B3GAT2: variants seen among roughly 807,000 people sequenced by gnomAD.
The protein encoded by B3GAT2 is beta-1,3-glucuronyltransferase 2.
Under a neutral mutation model 27.8 loss-of-function variants are expected in B3GAT2, and 26 were observed. The ratio of observed to expected loss-of-function variants is 0.93; its 90% confidence interval spans 0.68 to 1.30. The LOEUF (loss-of-function observed/expected upper bound fraction) is 1.30. B3GAT2 is among the 50% of genes most tolerant of loss of function. The pLI is 0.00. For missense variants in B3GAT2, 458 were observed against 459.0 expected (o/e 1.00, Z 0.02); for synonymous variants, 218 against 195.1 (o/e 1.12, Z -0.98).
At chr6:70,929,536 C>A (rs1388672562) in intron 1 of B3GAT2, among the ~76,000 whole-genome samples, 1 of 152,260 alleles carries the variant, frequency 6.6e-6, no homozygotes, top group South Asian at 2.1e-4. Context: ...AAATCACAAG[C>A]TTTCCTATAC....
intron 1 of B3GAT2, among the ~76,000 whole-genome samples, chr6:70,929,866 A>C (rs1242946805): frequency 3.3e-5 from 5 of 152,200 alleles, no homozygotes. Context: ...TGGAACCAAA[A>C]AAGAGCCCAC....
At chr6:70,928,152 A>G (rs1772994984) in intron 1 of B3GAT2, among the ~76,000 whole-genome samples, 3 of 152,216 alleles carry the variant, frequency 2.0e-5, no homozygotes, top group African/African-American at 7.2e-5. Context: ...CAAAGACACA[A>G]CATACCAGAA....
In B3GAT2 at chr6:70,861,523, A is replaced by AGAT. The variant is rs1159509281; in HGVS notation, c.*137_*139dup. On this transcript the variant is annotated 3_prime_UTR_variant, in exon 4 of 4. Transcript: ENST00000230053. ...GTTAACTGACAAGCTCCATTTAAAC[A>AGAT]GATGTCCATCAGATGACAAGAAAGG... 4.3e-6 allele frequency: 3 copies of AGAT among 690,266 alleles called. No individual in the cohort carries two copies. Among genetic ancestry groups the AGAT allele is most frequent in the East Asian group, 2.7e-5 (1 of 37,264 alleles). The allele number at this position is 690,266 out of a possible 1,614,324, so 42.8% of individuals were successfully genotyped here. A position where few individuals can be genotyped will look rare whatever the true frequency, so the allele number is the denominator to read the frequency against.
intron 1 of B3GAT2, among the ~76,000 whole-genome samples, chr6:70,917,113 T>A (rs563702852): frequency 6.6e-6 from 1 of 152,338 alleles, no homozygotes; most frequent in East Asian, 1.9e-4. Context: ...AACTTCTTCC[T>A]GGTTTAGTCT....
At chr6:70,867,785 A>G (rs866011004) in intron 2 of B3GAT2, among the ~76,000 whole-genome samples, 1 of 152,294 alleles carries the variant, frequency 6.6e-6, no homozygotes, top group South Asian at 2.1e-4. Context: ...TAGAAAATAG[A>G]AAAGGAGGAA....
chr6:70,940,333 G>A (rs759624616), intron 1 of B3GAT2, among the ~76,000 whole-genome samples: 13 of 152,260 alleles, frequency 8.5e-5, no homozygotes, highest in Middle Eastern at 3.4e-3. Context: ...CCAGCAAGGG[G>A]CTCAGTGTCC....
intron 2 of B3GAT2, among the ~76,000 whole-genome samples, chr6:70,882,896 C>T (rs912040919): frequency 1.3e-5 from 2 of 150,814 alleles, no homozygotes; most frequent in Non-Finnish European, 3.0e-5. Context: ...TTGGTGAAGT[C>T]AAATAAATAC....
At chr6:70,937,289 C>G (rs1478001153) in intron 1 of B3GAT2, among the ~76,000 whole-genome samples, 2 of 150,630 alleles carry the variant, frequency 1.3e-5, no homozygotes, top group East Asian at 2.0e-4. Context: ...GAGTCCAGGA[C>G]CAGATGGATT....
chr6:70,900,965 A>T (rs925624966), intron 1 of B3GAT2, among the ~76,000 whole-genome samples: 4 of 152,180 alleles, frequency 2.6e-5, no homozygotes, highest in African/African-American at 9.7e-5. Flanking sequence ...AAGTAAACGA[A>T]ACCCATCAAA....
Position 70,941,819 on chromosome 6 carries a change from C to A in B3GAT2, c.591+14020G>T, listed in dbSNP as rs1191479719. On this transcript the variant is annotated intron_variant, in intron 1 of 3. Coordinates refer to ENST00000230053, the MANE Select transcript of B3GAT2 (RefSeq NM_080742.3). ...ATTCATTCAAAAAATATTTAATAAG[C>A]ATTCACTGCATGCTAGGCACTGCTC... Among the ~76,000 whole-genome samples, 4 of 152,128 alleles carry A rather than the reference C, an allele frequency of 2.6e-5. No homozygotes were observed. The East Asian group carries it at 5.8e-4, about 22-fold the overall frequency.
At chr6:70,868,102 T>C (rs1213097426) in intron 2 of B3GAT2, among the ~76,000 whole-genome samples, 1 of 151,948 alleles carries the variant, frequency 6.6e-6, no homozygotes, top group Non-Finnish European at 1.5e-5. Context: ...CATCTAGTCA[T>C]AATGAAAAGA....
chr6:70,934,055 A>G (rs530744891), intron 1 of B3GAT2, among the ~76,000 whole-genome samples: 1 of 152,330 alleles, frequency 6.6e-6, no homozygotes, highest in Admixed American at 6.5e-5. Flanking sequence ...AGAACGCAGT[A>G]AAAAATGAAA....
intron 1 of B3GAT2, among the ~76,000 whole-genome samples, chr6:70,927,925 C>T (rs1772991043): frequency 1.3e-5 from 2 of 152,166 alleles, no homozygotes; most frequent in Non-Finnish European, 2.9e-5. Flanking sequence ...AAATTAACCA[C>T]TTAGTTGGAA....
At position 70,955,870 on chromosome 6, in the gene B3GAT2, T is replaced by C; in HGVS notation, c.560A>G (p.Asp187Gly). 2 of 1,604,574 alleles carry C rather than the reference T, an allele frequency of 1.2e-6. No individual in the cohort carries two copies. The highest frequency in any genetic ancestry group is 8.5e-7 in the Non-Finnish European group (1 of 1,176,438). ...GAAGAGCTCCAGACTATAGGTGTTG[T>C]CGTCGTCAGCGAAGAAGAGCACGCC... ...QPGVLFFADD[D>G]NTYSLELFQE... The change falls in exon 1 of 4, where the codon GAC becomes GGC. Residue 187 changes from aspartate (D) to glycine (G), a missense_variant. By Grantham distance (94) the Asp-to-Gly change is moderately conservative. Coordinates refer to ENST00000230053, the MANE Select transcript of B3GAT2 (RefSeq NM_080742.3).
intron 1 of B3GAT2, among the ~76,000 whole-genome samples, chr6:70,935,194 C>A (rs1020098020): frequency 6.6e-6 from 1 of 151,822 alleles, no homozygotes; most frequent in Non-Finnish European, 1.5e-5. Context: ...ACCAGTAATA[C>A]CAGTACTTTG....
chr6:70,900,707 C>T (rs1359155280), intron 1 of B3GAT2, among the ~76,000 whole-genome samples: 2 of 152,218 alleles, frequency 1.3e-5, no homozygotes, highest in African/African-American at 4.8e-5. Context: ...CTGGAACACT[C>T]AGAAGATCAC....
At chr6:70,867,299 G>A (rs1771866565) in intron 2 of B3GAT2, among the ~76,000 whole-genome samples, 1 of 151,844 alleles carries the variant, frequency 6.6e-6, no homozygotes, top group Admixed American at 6.6e-5. Context: ...AAAGTAAATG[G>A]AGAAAACGAC....
chr6:70,917,355 G>A (rs1028834972), intron 1 of B3GAT2, among the ~76,000 whole-genome samples: 1 of 151,798 alleles, frequency 6.6e-6, no homozygotes, highest in African/African-American at 2.4e-5. Flanking sequence ...ACCAGCTCCT[G>A]GGTTCATTGA....
At chr6:70,888,450 G>A (rs185173162) in intron 2 of B3GAT2, among the ~76,000 whole-genome samples, 18 of 152,220 alleles carry the variant, frequency 1.2e-4, no homozygotes, top group African/African-American at 4.8e-5. Flanking sequence ...CTAAGTGTCT[G>A]CTGATTTAGA....
Sources: gnomAD v4.1 joint callset for allele counts (sites outside exome capture counted in the v4.1 genomes callset) on GRCh38, gnomAD v4.1.1 for gene constraint, MANE v1.5 for transcripts, NCBI Gene and HGNC (gene_info 2026-07-23, HGNC 2026-07-21) for gene names.